CTNNA2: variants seen among roughly 807,000 people sequenced by gnomAD.
CTNNA2 encodes the protein catenin alpha 2.
A neutral mutation model predicts 101.0 loss-of-function variants in CTNNA2; 42 were observed. The observed-to-expected ratio is 0.42, with a 90% CI of 0.32 to 0.54. CTNNA2 has a LOEUF of 0.54. CTNNA2 is among the 20% of genes least tolerant of loss of function. The probability of loss-of-function intolerance (pLI) is 0.14; values close to 1 mark genes in which losing one functional copy is unlikely to be tolerated. For synonymous variants in CTNNA2, 450 were observed against 456.4 expected (o/e 0.99, Z 0.18); for missense variants, 871 against 1,223.1 (o/e 0.71, Z 4.29).
intron 9 of CTNNA2, among the ~76,000 whole-genome samples, chr2:80,496,980 G>A (rs1340649368): frequency 6.6e-6 from 1 of 152,132 alleles, no homozygotes; most frequent in African/African-American, 2.4e-5. Context: ...TGTGACTCAG[G>A]AGAAGCATGA....
intron 9 of CTNNA2, among the ~76,000 whole-genome samples, chr2:80,526,387 A>G (rs1225016288): frequency 6.6e-6 from 1 of 152,278 alleles, no homozygotes; most frequent in African/African-American, 2.4e-5. Context: ...TTTAGTAGAG[A>G]TGGAGTTTCG....
chr2:80,028,577 G>A (rs888743323), intron 7 of CTNNA2, among the ~76,000 whole-genome samples: 4 of 152,178 alleles, frequency 2.6e-5, no homozygotes, highest in South Asian at 4.1e-4. Context: ...CATCTTAACA[G>A]GTGACACCTG....
intron 2 of CTNNA2, among the ~76,000 whole-genome samples, chr2:79,692,044 G>A (rs1256229885): frequency 6.6e-6 from 1 of 152,116 alleles, no homozygotes; most frequent in African/African-American, 2.4e-5. Context: ...AAACTAAGGA[G>A]CTTCTTCACA....
chr2:80,014,120 T>A (rs1693973103), intron 7 of CTNNA2, among the ~76,000 whole-genome samples: 1 of 152,230 alleles, frequency 6.6e-6, no homozygotes, highest in Non-Finnish European at 1.5e-5. Flanking sequence ...AGCATTATTA[T>A]TATTTGTACA....
intron 17 of CTNNA2, among the ~76,000 whole-genome samples, chr2:80,615,364 C>T (rs1698767853): frequency 6.6e-6 from 1 of 151,534 alleles, no homozygotes; most frequent in South Asian, 2.1e-4. Context: ...AGAATATTTT[C>T]TGATTCATTC....
chr2:80,397,941 C>T (rs540815549), intron 8 of CTNNA2, among the ~76,000 whole-genome samples: 42 of 152,248 alleles, frequency 2.8e-4, no homozygotes, highest in African/African-American at 5.5e-4. Flanking sequence ...CACATAAATA[C>T]GTAGAAGTGC....
intron 1 of CTNNA2, among the ~76,000 whole-genome samples, chr2:79,584,869 G>A (rs893887818): frequency 2.6e-5 from 4 of 152,162 alleles, no homozygotes; most frequent in African/African-American, 9.7e-5. Context: ...CTGGCTCTGT[G>A]TATGCACCAG....
chr2:79,408,573 C>A (rs564062609), intron 4 of CTNNA2, among the ~76,000 whole-genome samples: 1 of 150,884 alleles, frequency 6.6e-6, no homozygotes, highest in Non-Finnish European at 1.5e-5. Flanking sequence ...TTTGTCCTTG[C>A]GATAGTTTGC....
chr2:79,936,664 C>T (rs1034705071), intron 7 of CTNNA2, among the ~76,000 whole-genome samples: 2 of 152,112 alleles, frequency 1.3e-5, no homozygotes, highest in Non-Finnish European at 2.9e-5. Context: ...TACCTTAAGC[C>T]ATCGTTCCTC....
chr2:80,203,004 T>C (rs1195676747), intron 7 of CTNNA2, among the ~76,000 whole-genome samples: 3 of 152,188 alleles, frequency 2.0e-5, no homozygotes, highest in Non-Finnish European at 2.9e-5. Context: ...CAAAGAGAGC[T>C]TGTGCAGAGC....
At chr2:79,932,482 C>CTT (rs1029906838) in intron 7 of CTNNA2, among the ~76,000 whole-genome samples, 4 of 140,542 alleles carry the variant, frequency 2.8e-5, no homozygotes, top group Non-Finnish European at 6.2e-5. Context: ...GTGTGAGATT[C>CTT]TTTTTTTTTT....
chr2:79,643,377 T>TC (rs1209275081), intron 1 of CTNNA2, among the ~76,000 whole-genome samples: 1 of 152,198 alleles, frequency 6.6e-6, no homozygotes, highest in African/African-American at 2.4e-5. Flanking sequence ...CAACAGTGGT[T>TC]CTTAAAGTGT....
intron 9 of CTNNA2, among the ~76,000 whole-genome samples, chr2:80,436,434 G>C (rs1682031875): frequency 7.0e-6 from 1 of 143,036 alleles, no homozygotes; most frequent in African/African-American, 2.5e-5. Flanking sequence ...CTTCTCATGA[G>C]ATGCTCTGGG....
intron 7 of CTNNA2, among the ~76,000 whole-genome samples, chr2:79,977,354 T>G (rs576941104): frequency 6.6e-6 from 1 of 152,192 alleles, no homozygotes; most frequent in East Asian, 1.9e-4. Flanking sequence ...GTCAAGCATT[T>G]TTGGTTCCCA....
At chr2:79,686,523 T>G (rs1325497006) in intron 2 of CTNNA2, among the ~76,000 whole-genome samples, 1 of 152,172 alleles carries the variant, frequency 6.6e-6, no homozygotes, top group Non-Finnish European at 1.5e-5. Context: ...TTGATTGAAC[T>G]ACATAATGTG....
chr2:80,072,755 A>G (rs894842150), intron 7 of CTNNA2, among the ~76,000 whole-genome samples: 1 of 152,112 alleles, frequency 6.6e-6, no homozygotes, highest in African/African-American at 2.4e-5. Flanking sequence ...CAGAGCAGCG[A>G]TGGTGAAGAG....
chr2:79,813,906 T>C (rs1475516067), intron 3 of CTNNA2, among the ~76,000 whole-genome samples: 1 of 152,188 alleles, frequency 6.6e-6, no homozygotes, highest in Non-Finnish European at 1.5e-5. Context: ...TCAAGGTGTT[T>C]GCAGGGGCAT....
intron 9 of CTNNA2, among the ~76,000 whole-genome samples, chr2:80,506,804 T>G (rs1412282302): frequency 2.6e-5 from 4 of 152,178 alleles, no homozygotes; most frequent in African/African-American, 9.6e-5. Flanking sequence ...TGTACTTGTT[T>G]TCCCTTCATG....
At chr2:79,982,004 A>G (rs915177190) in intron 7 of CTNNA2, among the ~76,000 whole-genome samples, 2 of 150,928 alleles carry the variant, frequency 1.3e-5, no homozygotes, top group Non-Finnish European at 3.0e-5. Context: ...ATATAAAAAC[A>G]GCCAAGTTCT....
Sources: allele counts gnomAD v4.1 joint callset (sites outside exome capture counted in the v4.1 genomes callset), GRCh38; gene constraint gnomAD v4.1.1; transcripts MANE v1.5; gene names NCBI Gene and HGNC (gene_info 2026-07-23, HGNC 2026-07-21).